The following MAGI2 variants were observed in gnomAD, a reference collection of about 807,000 sequenced individuals.
MAGI2 encodes membrane associated guanylate kinase, WW and PDZ domain containing 2.
MAGI2 carries 35 observed loss-of-function variants against 133.3 expected under a neutral mutation model. The observed-to-expected ratio is 0.26, with a 90% CI of 0.20 to 0.35. MAGI2 has a LOEUF of 0.35. MAGI2 is among the 10% of genes least tolerant of loss of function. MAGI2 has a pLI of 1.00. For synonymous variants in MAGI2, 729 were observed against 710.6 expected (o/e 1.03, Z -0.41); for missense variants, 1,636 against 1,863.4 (o/e 0.88, Z 2.25).
chr7:78,643,747 T>G (rs1380047802), intron 2 of MAGI2, among the ~76,000 whole-genome samples: 2 of 152,054 alleles, frequency 1.3e-5, no homozygotes, highest in African/African-American at 4.8e-5. Context: ...GGGTGGGGGA[T>G]GGGAATGGTG....
intron 1 of MAGI2, among the ~76,000 whole-genome samples, chr7:79,095,068 T>C (rs1817403741): frequency 6.6e-6 from 1 of 152,212 alleles, no homozygotes; most frequent in South Asian, 2.1e-4. Flanking sequence ...GACGGCATCC[T>C]GTTCAAATAG....
At chr7:78,666,795 T>C (rs892316145) in intron 2 of MAGI2, among the ~76,000 whole-genome samples, 2 of 152,190 alleles carry the variant, frequency 1.3e-5, no homozygotes, top group African/African-American at 4.8e-5. Flanking sequence ...GATTCAAAGG[T>C]AGCGAATGCT....
chr7:78,769,318 G>A (rs1825345725), intron 2 of MAGI2, among the ~76,000 whole-genome samples: 1 of 151,606 alleles, frequency 6.6e-6, no homozygotes, highest in Admixed American at 6.6e-5. Flanking sequence ...TGCCACACAT[G>A]CATGGGTCTT....
intron 3 of MAGI2, among the ~76,000 whole-genome samples, chr7:78,612,564 T>C (rs1806570240): frequency 6.6e-6 from 1 of 152,226 alleles, no homozygotes; most frequent in Non-Finnish European, 1.5e-5. Flanking sequence ...AGACAAACAT[T>C]TGTTTTCCCC....
In MAGI2 at chr7:79,059,012, G is replaced by C. The variant is rs578196467; in HGVS notation, c.302-51806C>G. Among the ~76,000 whole-genome samples, 56 of 152,148 alleles carry C rather than the reference G, an allele frequency of 3.7e-4. 1 individual carries two copies. In the South Asian group the frequency reaches 0.011, roughly 29 times the overall value. On this transcript the variant is annotated intron_variant, in intron 1 of 21. Coordinates refer to ENST00000354212, the MANE Select transcript of MAGI2 (RefSeq NM_012301.4). ...AGTATAGTAAGTAGTCAATAAATAG[G>C]AGTTGTTAACATAAAGATATTTTTA...
chr7:78,899,308 T>C (rs1176231525), intron 2 of MAGI2, among the ~76,000 whole-genome samples: 2 of 151,844 alleles, frequency 1.3e-5, no homozygotes, highest in Non-Finnish European at 2.9e-5. Context: ...ATGTCTGGAG[T>C]TGGTTATATA....
At chr7:78,868,329 T>C (rs140565089) in intron 2 of MAGI2, among the ~76,000 whole-genome samples, 257 of 152,272 alleles carry the variant, frequency 1.7e-3, no homozygotes, top group African/African-American at 5.9e-3. Context: ...CACTACTATA[T>C]GTACTTTATA....
At chr7:78,047,261 G>A (rs1221452852) in intron 21 of MAGI2, among the ~76,000 whole-genome samples, 3 of 152,128 alleles carry the variant, frequency 2.0e-5, no homozygotes, top group African/African-American at 7.2e-5. Flanking sequence ...GGGTGTCAGT[G>A]GAATCTTCTT....
intron 2 of MAGI2, among the ~76,000 whole-genome samples, chr7:78,683,854 C>T (rs1815970668): frequency 6.6e-6 from 1 of 152,150 alleles, no homozygotes; most frequent in African/African-American, 2.4e-5. Context: ...TACACTGTAA[C>T]TTGAAAAGTA....
chr7:78,056,627 G>A (rs1206401563), intron 21 of MAGI2, among the ~76,000 whole-genome samples: 2 of 152,198 alleles, frequency 1.3e-5, no homozygotes, highest in South Asian at 2.1e-4. Flanking sequence ...GAGAACACAT[G>A]GACAAATTGA....
intron 2 of MAGI2, among the ~76,000 whole-genome samples, chr7:78,894,295 C>T (rs933434304): frequency 3.3e-5 from 5 of 151,952 alleles, no homozygotes; most frequent in South Asian, 2.1e-4. Flanking sequence ...CCAGCTACTC[C>T]GGAGGCTGAG....
intron 1 of MAGI2, chr7:79,172,986 G>A (rs1455760297): frequency 6.6e-6 from 1 of 151,982 alleles, no homozygotes; most frequent in Non-Finnish European, 1.5e-5. Flanking sequence ...TATGTTTACA[G>A]TAAGTATTAA....
chr7:78,242,238 C>G (rs1420680154), intron 10 of MAGI2, among the ~76,000 whole-genome samples: 1 of 152,150 alleles, frequency 6.6e-6, no homozygotes, highest in African/African-American at 2.4e-5. Flanking sequence ...ACACTTTGCA[C>G]TTTTGGTCTT....
intron 10 of MAGI2, among the ~76,000 whole-genome samples, chr7:78,241,466 C>A (rs1419813569): frequency 6.6e-6 from 1 of 152,108 alleles, no homozygotes; most frequent in Admixed American, 6.5e-5. Context: ...ACTCAGATTT[C>A]TCACATTTGG....
intron 1 of MAGI2, among the ~76,000 whole-genome samples, chr7:79,163,109 T>C (rs1421401001): frequency 6.6e-6 from 1 of 152,080 alleles, no homozygotes; most frequent in African/African-American, 2.4e-5. Flanking sequence ...AACATCAGTA[T>C]AGGGTACAAT....
chr7:78,349,748 A>G (rs1791299502), intron 7 of MAGI2, among the ~76,000 whole-genome samples: 1 of 152,218 alleles, frequency 6.6e-6, no homozygotes, highest in South Asian at 2.1e-4. Flanking sequence ...GAAACTTAAA[A>G]TGCTCACAAG....
chr7:78,444,185 T>C (rs1212146797), intron 6 of MAGI2, among the ~76,000 whole-genome samples: 1 of 152,094 alleles, frequency 6.6e-6, no homozygotes, highest in Non-Finnish European at 1.5e-5. Flanking sequence ...CAAAGGTCAG[T>C]TTACAAATTT....
intron 3 of MAGI2, among the ~76,000 whole-genome samples, chr7:78,590,424 C>T (rs1323407515): frequency 6.6e-6 from 1 of 152,168 alleles, no homozygotes; most frequent in Non-Finnish European, 1.5e-5. Flanking sequence ...ACAGCTTTGT[C>T]CCTTGGTGAT....
chr7:79,026,671 G>A (rs560222720), intron 1 of MAGI2, among the ~76,000 whole-genome samples: 46 of 152,086 alleles, frequency 3.0e-4, no homozygotes, highest in African/African-American at 9.9e-4. Flanking sequence ...TCAGGAGTTC[G>A]AGAGCAGCCT....
Sources: gnomAD v4.1 joint callset for allele counts (sites outside exome capture counted in the v4.1 genomes callset) on GRCh38, gnomAD v4.1.1 for gene constraint, MANE v1.5 for transcripts, NCBI Gene and HGNC (gene_info 2026-07-23, HGNC 2026-07-21) for gene names.